AP1S3: variants seen among roughly 807,000 people sequenced by gnomAD.
AP1S3 encodes the protein adaptor related protein complex 1 subunit sigma 3.
A neutral mutation model predicts 20.9 loss-of-function variants in AP1S3; 10 were observed. The ratio of observed to expected loss-of-function variants is 0.48; its 90% CI spans 0.29 to 0.81. The LOEUF (loss-of-function observed/expected upper bound fraction) is 0.81, where lower values mean the gene tolerates loss of function less well. Ranked by LOEUF, AP1S3 falls within the 30% of genes least tolerant of loss-of-function variation. AP1S3 has a pLI of 0.08. For missense variants in AP1S3, 154 were observed against 183.8 expected, an observed-to-expected ratio of 0.84 and a Z score of 0.94; for synonymous variants, 41 against 61.5, an observed-to-expected ratio of 0.67 and a Z score of 1.56.
At chr2:223,803,850 A>G (rs183196715) in intron 1 of AP1S3, among the ~76,000 whole-genome samples, 3,069 of 151,006 alleles carry the variant, frequency 0.02, 107 homozygotes, top group African/African-American at 0.07. Flanking sequence ...ACTGCACTCC[A>G]GCCTGGGTGA....
At chr2:223,803,722 T>C (rs1691517375) in intron 1 of AP1S3, among the ~76,000 whole-genome samples, 1 of 151,512 alleles carries the variant, frequency 6.6e-6, no homozygotes, top group South Asian at 2.1e-4. Flanking sequence ...TACTAAAAAA[T>C]AGAAAAAATT....
intron 4 of AP1S3, among the ~76,000 whole-genome samples, chr2:223,762,455 T>A (rs1028596549): frequency 6.6e-6 from 1 of 151,990 alleles, no homozygotes; most frequent in Non-Finnish European, 1.5e-5. Context: ...GTATTTTTAG[T>A]AGGGATGGGA....
chr2:223,760,996 T>G (rs1690341925), intron 4 of AP1S3, among the ~76,000 whole-genome samples: 1 of 152,162 alleles, frequency 6.6e-6, no homozygotes. Flanking sequence ...CTCTAGTCAT[T>G]GGCACTGCTC....
intron 1 of AP1S3, among the ~76,000 whole-genome samples, chr2:223,799,257 C>T (rs1323051729): frequency 1.6e-5 from 2 of 128,358 alleles, no homozygotes; most frequent in Non-Finnish European, 3.6e-5. Flanking sequence ...ACACAAACAC[C>T]ACATGAAGGT....
chr2:223,818,555 A>G (rs185154641), intron 1 of AP1S3, among the ~76,000 whole-genome samples: 7 of 151,408 alleles, frequency 4.6e-5, no homozygotes, highest in African/African-American at 1.2e-4. Context: ...ACGTTAGCAA[A>G]TTTTCTTTTT....
rs147684551 is a variant in AP1S3 at position 223,759,211 on chromosome 2, G to A, written c.430-461C>T. Among the ~76,000 whole-genome samples, 1,113 of 152,046 alleles carry A rather than the reference G, an allele frequency of 7.3e-3. 12 individuals carry two copies. The highest frequency in any genetic ancestry group is 0.025 in the African/African-American group (1,044 of 41,464). On this transcript the variant is annotated intron_variant, in intron 4 of 4. Transcript: ENST00000396654. ...AGGAGAATTGCTTGAACCGGGAGGC[G>A]GAGGTTGAAGTGAGCCAAGATTGCA...
Position 223,757,793 on chromosome 2 carries a change from G to A in AP1S3, c.*922C>T. 1.0e-6 allele frequency: 1 copy of A among 985,266 alleles called. No individual in the cohort carries two copies. The highest frequency in any genetic ancestry group is 1.2e-6 in the Non-Finnish European group (1 of 829,824). 61.0% of individuals were successfully genotyped at this position (985,266 alleles called of 1,614,324 possible). Reference sequence around the variant, plus strand: ...TGATAATCTTAAATGCTCTAAGTAAGCCATGTAATAAGTCTTCAAATGCAT... The same window carrying A: ...TGATAATCTTAAATGCTCTAAGTAAACCATGTAATAAGTCTTCAAATGCAT... On this transcript the variant is annotated 3_prime_UTR_variant, in exon 5 of 5. Coordinates refer to ENST00000396654, the MANE Select transcript of AP1S3 (RefSeq NM_001039569.2).
chr2:223,793,312 G>A (rs1244599933), intron 1 of AP1S3, among the ~76,000 whole-genome samples: 1 of 152,066 alleles, frequency 6.6e-6, no homozygotes, highest in African/African-American at 2.4e-5. Context: ...GCAAAGACAT[G>A]GAATCAACCT....
chr2:223,816,526 T>C lies in AP1S3; in HGVS notation c.3+20922A>G, dbSNP rs567984708. Among the ~76,000 whole-genome samples the C allele has an allele frequency of 1.3e-4, 20 of 152,288 alleles. No homozygotes were observed. The East Asian group carries it at 3.7e-3, about 28-fold the overall frequency. ...ACAGCAAGGAACAGATAGCAAGTAT[T>C]CACAGGAGACCGTGGATAGGGTCCC... is the stretch of plus-strand genomic sequence containing the variant. On this transcript the variant is annotated intron_variant, in intron 1 of 4. Coordinates refer to ENST00000396654, the MANE Select transcript of AP1S3 (RefSeq NM_001039569.2).
rs768622808 is a variant in AP1S3 at position 223,758,694 on chromosome 2, A to C, written c.*21T>G. The C allele has an allele frequency of 6.2e-6, 10 of 1,605,898 alleles. No individual in the cohort carries two copies. The highest frequency in any genetic ancestry group is 8.5e-6 in the Non-Finnish European group (10 of 1,176,378). On this transcript the variant is annotated 3_prime_UTR_variant, in exon 5 of 5. Transcript: ENST00000396654. ...ACAGCTTCATAACATGTAGTGCTGGAGTCTTCAAGTAGATTTCCAGTTAAA... is the reference window on the plus strand; with the variant it reads ...ACAGCTTCATAACATGTAGTGCTGGCGTCTTCAAGTAGATTTCCAGTTAAA...
chr2:223,803,230 T>C (rs1015890766), intron 1 of AP1S3, among the ~76,000 whole-genome samples: 1 of 152,200 alleles, frequency 6.6e-6, no homozygotes, highest in Non-Finnish European at 1.5e-5. Context: ...GGTCATAAAT[T>C]TTCTTATAAA....
At chr2:223,820,452 T>C (rs566515550) in intron 1 of AP1S3, among the ~76,000 whole-genome samples, 34 of 152,066 alleles carry the variant, frequency 2.2e-4, no homozygotes, top group Non-Finnish European at 1.9e-4. Context: ...CCTGTTTAAC[T>C]CATCTTATAT....
Position 223,809,148 on chromosome 2 carries a change from A to T in AP1S3, c.3+28300T>A, listed in dbSNP as rs572059590. Among the ~76,000 whole-genome samples, 7 of 152,324 alleles carry T rather than the reference A, an allele frequency of 4.6e-5. No individual in the cohort carries two copies. The East Asian group carries it at 1.4e-3, about 29-fold the overall frequency. Reference sequence around the variant, plus strand: ...TCAGAGCAGGTCACTCCCCTGCACAAAACTTCTCTCCAGGAAAGAGCCAAA... The same window carrying T: ...TCAGAGCAGGTCACTCCCCTGCACATAACTTCTCTCCAGGAAAGAGCCAAA... On this transcript the variant is annotated intron_variant, in intron 1 of 4. Coordinates refer to ENST00000396654, the MANE Select transcript of AP1S3 (RefSeq NM_001039569.2).
At chr2:223,831,325 G>A (rs562018299) in intron 1 of AP1S3, among the ~76,000 whole-genome samples, 1 of 152,096 alleles carries the variant, frequency 6.6e-6, no homozygotes, top group South Asian at 2.1e-4. Context: ...CTAGAGATGG[G>A]GTTTCGCCAT....
intron 1 of AP1S3, among the ~76,000 whole-genome samples, chr2:223,836,832 T>C (rs1333841003): frequency 6.6e-6 from 1 of 152,124 alleles, no homozygotes; most frequent in Non-Finnish European, 1.5e-5. Flanking sequence ...TATTTTGGCC[T>C]ATAAAAACCC....
At chr2:223,816,849 T>A (rs1388335284) in intron 1 of AP1S3, among the ~76,000 whole-genome samples, 7 of 152,154 alleles carry the variant, frequency 4.6e-5, no homozygotes, top group Admixed American at 1.3e-4. Context: ...TAGCCCAGTC[T>A]AGGTGCAGTG....
chr2:223,804,654 G>A (rs192607003), intron 1 of AP1S3, among the ~76,000 whole-genome samples: 3 of 152,006 alleles, frequency 2.0e-5, no homozygotes, highest in East Asian at 1.9e-4. Context: ...TTATGGTGGC[G>A]TGGAGGTTGC....
At chr2:223,775,415 A>G (rs888384625) in intron 3 of AP1S3, among the ~76,000 whole-genome samples, 4 of 152,270 alleles carry the variant, frequency 2.6e-5, no homozygotes, top group Non-Finnish European at 4.4e-5. Flanking sequence ...GTCAAAACAG[A>G]AAAGAGACGA....
rs1256576710 is a variant in AP1S3, at chr2:223,834,482, T to C, written c.3+2966A>G. On this transcript the variant is annotated intron_variant, in intron 1 of 4. Transcript: ENST00000396654. ...GCACACACCTGTGGTCCCAGCTACATGGAAGGCTGAGGTAGGAGGATGCCT... is the reference window on the plus strand; with the variant it reads ...GCACACACCTGTGGTCCCAGCTACACGGAAGGCTGAGGTAGGAGGATGCCT... Among the ~76,000 whole-genome samples the C allele has an allele frequency of 5.9e-5, 9 of 152,030 alleles. 1 individual carries two copies. Among genetic ancestry groups the C allele is most frequent in the African/African-American group, 2.2e-4 (9 of 41,406 alleles).
Sources: gnomAD v4.1 joint callset for allele counts (sites outside exome capture counted in the v4.1 genomes callset) on GRCh38, gnomAD v4.1.1 for gene constraint, MANE v1.5 for transcripts, NCBI Gene and HGNC (gene_info 2026-07-23, HGNC 2026-07-21) for gene names.